GSDME: variants seen among roughly 807,000 people sequenced by gnomAD.
GSDME encodes the protein gasdermin E.
GSDME carries 44 observed loss-of-function variants against 47.5 expected under a neutral mutation model. That is an observed-to-expected ratio of 0.93 (90% CI 0.73 to 1.19). The LOEUF (loss-of-function observed/expected upper bound fraction) is 1.19, where lower values mean the gene tolerates loss of function less well. Among genes scored for constraint, GSDME ranks in the 50% most tolerant of loss-of-function variants. GSDME has a pLI of 0.00. For synonymous variants in GSDME, 258 were observed against 252.8 expected, an observed-to-expected ratio of 1.02 and a Z score of -0.20; for missense variants, 663 against 604.2, an observed-to-expected ratio of 1.10 and a Z score of -1.02.
rs1249238696 is a variant in GSDME at position 24,719,081 on chromosome 7, C to T, written c.542G>A (p.Gly181Asp). The T allele has an allele frequency of 6.2e-7, 1 of 1,613,398 alleles. No homozygotes were observed. Among genetic ancestry groups the T allele is most frequent in the African/African-American group, 1.3e-5 (1 of 75,036 alleles). ...CTTGGTCTGGATGCCCACGATGCCACCACACTTCTCCTCGACCTGCATGTG... is the reference window on the plus strand; with the variant it reads ...CTTGGTCTGGATGCCCACGATGCCATCACACTTCTCCTCGACCTGCATGTG... Reference protein sequence around the residue: ...SEHMQVEEKCGGIVGIQTKTV... With the variant: ...SEHMQVEEKCDGIVGIQTKTV... Residue 181 changes from glycine to aspartate, a missense_variant, in exon 4 of 10, where the codon GGT becomes GAT. Gly to Asp is a moderately conservative substitution (Grantham distance 94). Transcript: ENST00000645220.
upstream of GSDME, among the ~76,000 whole-genome samples, chr7:24,759,673 C>T (rs547607489): frequency 1.3e-5 from 2 of 152,224 alleles, no homozygotes; most frequent in African/African-American, 4.8e-5. Context: ...GAGTTTTAAC[C>T]CACCATAGGG....
Position 24,703,269 on chromosome 7 carries a change from A to G in GSDME, c.1184-436T>C, listed in dbSNP as rs1310928672. On this transcript the variant is annotated intron_variant, in intron 8 of 9. Coordinates refer to ENST00000645220, the MANE Select transcript of GSDME (RefSeq NM_001127453.2). ...TAGTTGTTTTGTTTTTGCATATGTC[A>G]GAATACTGTGTAAACTATAAAGGGC... The G allele has an allele frequency of 1.2e-5, 4 of 329,328 alleles. No individual in the cohort carries two copies. In the Admixed American group the frequency reaches 1.7e-4, roughly 14 times the overall value. 20.4% of individuals were successfully genotyped at this position (329,328 alleles called of 1,614,324 possible).
intron 8 of GSDME, chr7:24,704,863 T>G (rs1332503626): frequency 6.6e-6 from 1 of 152,184 alleles, no homozygotes; most frequent in Non-Finnish European, 1.5e-5. Flanking sequence ...GGCTAATTTA[T>G]TTTTTGTACA....
At chr7:24,772,727 A>G in the GSDME span, among the ~76,000 whole-genome samples, 120 of 152,184 alleles carry the variant, frequency 7.9e-4, no homozygotes, top group African/African-American at 2.8e-3. This position sits in a 1 kb window ranked among gnomAD's most constrained non-coding sequence, Gnocchi z 4.5. Context: ...CTTTGCAAAG[A>G]CAGCTGGGAT....
intron 3 of GSDME, among the ~76,000 whole-genome samples, chr7:24,734,234 T>TA (rs1373557716): frequency 6.6e-6 from 1 of 152,246 alleles, no homozygotes; most frequent in African/African-American, 2.4e-5. Context: ...GGGTGTCCTC[T>TA]AATGCAGATA....
chr7:24,773,865 C>A, the GSDME span, among the ~76,000 whole-genome samples: 180 of 152,328 alleles, frequency 1.2e-3, 1 homozygote, highest in Non-Finnish European at 1.4e-3. The surrounding 1 kb of genome is among the most constrained non-coding windows in gnomAD (Gnocchi z 5.4). Flanking sequence ...ATGCTGCAAC[C>A]ACATCTTTCC....
At chr7:24,775,518 C>T in the GSDME span, among the ~76,000 whole-genome samples, 11 of 152,114 alleles carry the variant, frequency 7.2e-5, no homozygotes, top group Admixed American at 2.6e-4. Flanking sequence ...CTGCTGGGGA[C>T]GCCTTGAGGT....
rs969598046 is a variant in GSDME at position 24,718,139 on chromosome 7, G to A, written c.577-765C>T. ...CTGTGGCAGGAGCACCAGCAGGGCCGGCCTGAGCCATCTCCCATCGGCGCC... is the reference window on the plus strand; with the variant it reads ...CTGTGGCAGGAGCACCAGCAGGGCCAGCCTGAGCCATCTCCCATCGGCGCC... On this transcript the variant is annotated intron_variant, in intron 4 of 9. Transcript: ENST00000645220. 3.9e-5 allele frequency among the ~76,000 whole-genome samples: 6 copies of A among 152,342 alleles called. No homozygotes were observed. In the East Asian group the frequency reaches 5.8e-4, roughly 15 times the overall value.
chr7:24,780,594 G>A, the GSDME span, among the ~76,000 whole-genome samples: 1 of 152,146 alleles, frequency 6.6e-6, no homozygotes, highest in Admixed American at 6.5e-5. This position sits in a 1 kb window ranked among gnomAD's most constrained non-coding sequence, Gnocchi z 4.1. Flanking sequence ...TGCCCATTCA[G>A]AGCAACTTGA....
At chr7:24,731,194 T>C (rs1790132850) in intron 3 of GSDME, among the ~76,000 whole-genome samples, 1 of 152,202 alleles carries the variant, frequency 6.6e-6, no homozygotes, top group Non-Finnish European at 1.5e-5. Flanking sequence ...ATGAAGGTCT[T>C]ACTGACATTG....
In GSDME at chr7:24,754,962, A is replaced by G. The variant is rs532350945; in HGVS notation, c.-20+2434T>C. The stretch of plus-strand genomic sequence containing the variant: ...AGAGAGGAGCAACTGTTTGTTGAGT[A>G]TCTGCTATGTTCCAGGCATGGGTCT... On this transcript the variant is annotated intron_variant, in intron 1 of 9. Transcript: ENST00000645220. This position sits in a 1 kb window ranked among gnomAD's most constrained non-coding sequence, Gnocchi z 5.0. Among the ~76,000 whole-genome samples the G allele has an allele frequency of 3.9e-5, 6 of 152,380 alleles. No homozygotes were observed. The South Asian group carries it at 1.2e-3, about 32-fold the overall frequency.
intron 4 of GSDME, 24 bp downstream of exon 4, chr7:24,719,023 G>A (rs764515710): frequency 1.4e-5 from 23 of 1,610,746 alleles, no homozygotes; most frequent in South Asian, 1.2e-4. Flanking sequence ...AGCCATGAAC[G>A]CAGGGCAGCC....
the GSDME span, among the ~76,000 whole-genome samples, chr7:24,775,052 A>G: frequency 2.0e-5 from 3 of 152,192 alleles, no homozygotes; most frequent in East Asian, 1.9e-4. Flanking sequence ...CTGGTGATCC[A>G]TACCTTTGGG....
intron 5 of GSDME, among the ~76,000 whole-genome samples, chr7:24,711,810 G>T (rs1159742395): frequency 1.9e-5 from 2 of 106,438 alleles, no homozygotes; most frequent in Non-Finnish European, 3.5e-5. Context: ...GCAAGACCTT[G>T]TCTCCAAAAA....
Position 24,724,328 on chromosome 7 carries a change from G to T in GSDME, c.405-5110C>A, listed in dbSNP as rs1030080901. On this transcript the variant is annotated intron_variant, in intron 3 of 9. Coordinates refer to ENST00000645220, the MANE Select transcript of GSDME (RefSeq NM_001127453.2). This position sits in a 1 kb window ranked among gnomAD's most constrained non-coding sequence, Gnocchi z 4.8. ...TGGTTTATCACATAAACCCGGGCAG[G>T]ACTGGAATGAGACCCTCTCCCCAAG... Among the ~76,000 whole-genome samples the T allele has an allele frequency of 2.6e-5, 4 of 152,100 alleles. No individual in the cohort carries two copies. Among genetic ancestry groups the T allele is most frequent in the Admixed American group, 6.5e-5 (1 of 15,280 alleles).
chr7:24,701,202 G>C (rs1254661509), intron 9 of GSDME, among the ~76,000 whole-genome samples: 1 of 152,198 alleles, frequency 6.6e-6, no homozygotes, highest in Admixed American at 6.5e-5. Flanking sequence ...CAGACACCTC[G>C]ATGTCTTAAA....
At chr7:24,788,955 T>A in the GSDME span, among the ~76,000 whole-genome samples, 2 of 152,226 alleles carry the variant, frequency 1.3e-5, no homozygotes, top group Admixed American at 1.3e-4. The surrounding 1 kb of genome is among the most constrained non-coding windows in gnomAD (Gnocchi z 4.6). Flanking sequence ...TATGCAAATG[T>A]CTTTTATAGC....
At chr7:24,758,387 A>G (rs377001740), upstream of GSDME, among the ~76,000 whole-genome samples, 15 of 152,346 alleles carry the variant, frequency 9.8e-5, 1 homozygote, top group Admixed American at 7.2e-4. This position sits in a 1 kb window ranked among gnomAD's most constrained non-coding sequence, Gnocchi z 4.6. Context: ...TTGACTGGCA[A>G]TAGAAGTTTT....
At position 24,733,887 on chromosome 7, in the gene GSDME, C is replaced by G. The variant is rs1790220581; in HGVS notation, c.404+10675G>C. The stretch of plus-strand genomic sequence containing the variant: ...TCTGAGGGGAAGGACACAAGCCTGG[C>G]TGGCTTTACCACCTGCTGATTATAC... On this transcript the variant is annotated intron_variant, in intron 3 of 9. Coordinates refer to ENST00000645220, the MANE Select transcript of GSDME (RefSeq NM_001127453.2). The surrounding 1 kb of genome is among the most constrained non-coding windows in gnomAD (Gnocchi z 4.3). Among the ~76,000 whole-genome samples, 1 of 152,338 alleles carries G rather than the reference C, an allele frequency of 6.6e-6. No homozygotes were observed. The highest frequency in any genetic ancestry group is 2.1e-4 in the South Asian group (1 of 4,830).
Sources: gnomAD v4.1 joint callset for allele counts (sites outside exome capture counted in the v4.1 genomes callset) on GRCh38, gnomAD v4.1.1 for gene constraint, Gnocchi (gnomAD v3.1) non-coding constraint, MANE v1.5 for transcripts, NCBI Gene and HGNC (gene_info 2026-07-23, HGNC 2026-07-21) for gene names.